Variants in ALK observed in about 807,000 individuals in gnomAD.
ALK encodes ALK receptor tyrosine kinase.
A neutral mutation model predicts 163.1 loss-of-function variants in ALK; 74 were observed. The ratio of observed to expected loss-of-function variants is 0.45; its 90% CI spans 0.38 to 0.55. The LOEUF is 0.55. Among genes scored for constraint, ALK ranks in the 20% least tolerant of loss-of-function variants. The probability of loss-of-function intolerance (pLI) is 0.00; values close to 1 mark genes in which losing one functional copy is unlikely to be tolerated. For synonymous variants in ALK, 960 were observed against 843.2 expected, an observed-to-expected ratio of 1.14 and a Z score of -2.40; for missense variants, 2,063 against 2,105.3, an observed-to-expected ratio of 0.98 and a Z score of 0.39.
chr2:29,765,648 T>C (rs1680841931), intron 1 of ALK, among the ~76,000 whole-genome samples: 1 of 151,998 alleles, frequency 6.6e-6, no homozygotes, highest in Admixed American at 6.6e-5. Flanking sequence ...TTTTTTTAAA[T>C]TTAAATTTAA....
At chr2:29,912,682 C>A (rs1553379254) in intron 1 of ALK, among the ~76,000 whole-genome samples, 7 of 151,362 alleles carry the variant, frequency 4.6e-5, no homozygotes, top group Non-Finnish European at 2.9e-5. Context: ...GCATGACTGG[C>A]ATATATATAT....
intron 3 of ALK, among the ~76,000 whole-genome samples, chr2:29,595,697 T>C (rs73921115): frequency 3.5e-4 from 53 of 151,772 alleles, no homozygotes; most frequent in African/African-American, 1.2e-3. Context: ...CACATGGGAG[T>C]AGGGGGAACA....
At chr2:29,611,480 G>C (rs560880935) in intron 3 of ALK, among the ~76,000 whole-genome samples, 1 of 152,290 alleles carries the variant, frequency 6.6e-6, no homozygotes, top group East Asian at 1.9e-4. Context: ...CTGGCTTTCC[G>C]TGTGCTTGTT....
intron 5 of ALK, among the ~76,000 whole-genome samples, chr2:29,378,675 G>A (rs1454419292): frequency 1.3e-5 from 2 of 152,006 alleles, no homozygotes; most frequent in Non-Finnish European, 2.9e-5. Context: ...GCATTTTTAG[G>A]AGCTGTTCAG....
intron 1 of ALK, among the ~76,000 whole-genome samples, chr2:29,795,876 T>C (rs1300034062): frequency 6.6e-6 from 1 of 152,176 alleles, no homozygotes; most frequent in Non-Finnish European, 1.5e-5. Flanking sequence ...TAGCATGACA[T>C]TTTTATAAAA....
intron 9 of ALK, among the ~76,000 whole-genome samples, chr2:29,275,819 T>G (rs1665533928): frequency 6.6e-6 from 1 of 152,044 alleles, no homozygotes; most frequent in Non-Finnish European, 1.5e-5. Context: ...TGCAGGATGC[T>G]TGGAAATGGG....
intron 4 of ALK, among the ~76,000 whole-genome samples, chr2:29,468,815 C>T (rs1671275686): frequency 7.7e-6 from 1 of 129,108 alleles, no homozygotes; most frequent in African/African-American, 3.0e-5. Context: ...GATCACACCA[C>T]TGCACTCTAG....
intron 3 of ALK, among the ~76,000 whole-genome samples, chr2:29,544,069 T>C (rs750959658): frequency 1.3e-5 from 2 of 152,216 alleles, no homozygotes; most frequent in Non-Finnish European, 2.9e-5. Context: ...AAATCATTAT[T>C]ATCTGCTATT....
At chr2:29,658,011 C>A (rs6547967) in intron 3 of ALK, among the ~76,000 whole-genome samples, 1 of 151,904 alleles carries the variant, frequency 6.6e-6, no homozygotes, top group Non-Finnish European at 1.5e-5. Context: ...GGTGTCTCTG[C>A]GGGCCATGCA....
chr2:29,409,067 G>A (rs1193103985), intron 4 of ALK, among the ~76,000 whole-genome samples: 1 of 152,190 alleles, frequency 6.6e-6, no homozygotes, highest in East Asian at 1.9e-4. Flanking sequence ...GGAGACAATG[G>A]AGATGCCATC....
intron 12 of ALK, among the ~76,000 whole-genome samples, chr2:29,241,652 T>C (rs565218032): frequency 6.6e-6 from 1 of 151,770 alleles, no homozygotes. Flanking sequence ...GAGCCTCAAG[T>C]ATGTCTGGCT....
At chr2:29,248,732 T>C (rs1015519718) in intron 12 of ALK, among the ~76,000 whole-genome samples, 2 of 152,244 alleles carry the variant, frequency 1.3e-5, no homozygotes, top group Non-Finnish European at 2.9e-5. Flanking sequence ...TGGCACTTCA[T>C]GCAGATCAGA....
chr2:29,717,675 T>G lies in ALK; in HGVS notation c.690A>C (p.Pro230=). 2 of 1,614,136 alleles carry G rather than the reference T, an allele frequency of 1.2e-6. No individual in the cohort carries two copies. Among genetic ancestry groups the G allele is most frequent in the Non-Finnish European group, 1.7e-6 (2 of 1,179,986 alleles). The change falls in exon 2 of 29, where the codon CCA becomes CCC. Residue 230 remains proline (P), a synonymous_variant. Coordinates refer to ENST00000389048, the MANE Select transcript of ALK (RefSeq NM_004304.5). ...CAGGAGAAGGAGAAGGCATGTTTGTTGGTGATTCCAAGGAGCTATGACCTG... is the reference window on the plus strand; with the variant it reads ...CAGGAGAAGGAGAAGGCATGTTTGTGGGTGATTCCAAGGAGCTATGACCTG... ...FGTGHSSLES[P]TNMPSPSPDY...
chr2:29,437,267 A>G (rs1301040001), intron 4 of ALK, among the ~76,000 whole-genome samples: 1 of 151,626 alleles, frequency 6.6e-6, no homozygotes. Context: ...GAGTACATCT[A>G]TTTTTGAACC....
chr2:29,847,649 A>G (rs1263774418), intron 1 of ALK, among the ~76,000 whole-genome samples: 1 of 152,226 alleles, frequency 6.6e-6, no homozygotes, highest in Admixed American at 6.5e-5. Context: ...CTAGATTGAA[A>G]AAAGAACGGG....
chr2:29,686,163 T>A (rs184128055), intron 3 of ALK, among the ~76,000 whole-genome samples: 2 of 152,186 alleles, frequency 1.3e-5, no homozygotes, highest in Admixed American at 6.5e-5. Flanking sequence ...GAAGCATTAA[T>A]TTGCCAATAC....
In ALK at chr2:29,209,891, G is replaced by T; in HGVS notation, c.3744-13C>A. On this transcript the variant is annotated splice_polypyrimidine_tract_variant and intron_variant, in intron 24 of 28. Coordinates refer to ENST00000389048, the MANE Select transcript of ALK (RefSeq NM_004304.5). ...GGCAGCAATGTCTCTGGGAAGAAAG[G>T]AAATGCATTTCCTAATTTTATCCCT... 1 of 1,609,590 alleles carries T rather than the reference G, an allele frequency of 6.2e-7. No individual in the cohort carries two copies. The highest frequency in any genetic ancestry group is 8.5e-7 in the Non-Finnish European group (1 of 1,175,916).
intron 1 of ALK, among the ~76,000 whole-genome samples, chr2:29,749,699 A>G (rs1456409259): frequency 6.6e-6 from 1 of 152,024 alleles, no homozygotes; most frequent in East Asian, 1.9e-4. Context: ...AGCATCTCCA[A>G]CCCCCTGAGC....
chr2:29,416,452 C>T (rs150420778), intron 4 of ALK, among the ~76,000 whole-genome samples: 19 of 152,294 alleles, frequency 1.2e-4, no homozygotes, highest in Admixed American at 5.9e-4. Context: ...TCAAATGTGG[C>T]ATCTAAGGGC....
Sources: allele counts gnomAD v4.1 joint callset (sites outside exome capture counted in the v4.1 genomes callset), GRCh38; gene constraint gnomAD v4.1.1; transcripts MANE v1.5; gene names NCBI Gene and HGNC (gene_info 2026-07-23, HGNC 2026-07-21).